Variants in GRM8 observed in about 807,000 individuals in gnomAD.
The protein encoded by GRM8 is glutamate metabotropic receptor 8.
Under a neutral mutation model 87.2 loss-of-function variants are expected in GRM8, and 47 were observed. That is an observed-to-expected ratio of 0.54 (90% CI 0.43 to 0.69). The LOEUF is 0.69. Ranked by LOEUF, GRM8 falls within the 30% of genes least tolerant of loss-of-function variation. The pLI, the probability that GRM8 is intolerant of heterozygous loss-of-function variation, is 0.00. For synonymous variants in GRM8, 396 were observed against 404.5 expected (o/e 0.98, Z 0.25); for missense variants, 1,019 against 1,139.2 (o/e 0.89, Z 1.52).
intron 2 of GRM8, among the ~76,000 whole-genome samples, chr7:127,156,347 T>A (rs1263699233): frequency 6.6e-6 from 1 of 152,158 alleles, no homozygotes; most frequent in African/African-American, 2.4e-5. Flanking sequence ...AAGATTAGCC[T>A]ACCCCTAAAC....
At chr7:126,592,150 CA>C (rs55956390) in intron 8 of GRM8, among the ~76,000 whole-genome samples, 136,865 of 145,626 alleles carry the variant, frequency 0.94, 64,324 homozygotes, top group East Asian at 1. Flanking sequence ...AGTCTCCCAT[CA>C]AAAAAAAAAA....
chr7:127,229,525 G>A (rs1797551713), intron 2 of GRM8: 1 of 152,094 alleles, frequency 6.6e-6, no homozygotes, highest in African/African-American at 2.4e-5. Flanking sequence ...TCCTTTCTCA[G>A]GCAGAGGAAA....
intron 6 of GRM8, among the ~76,000 whole-genome samples, chr7:126,793,344 T>G (rs969860424): frequency 1.8e-4 from 28 of 152,204 alleles, no homozygotes; most frequent in African/African-American, 6.8e-4. Flanking sequence ...GGCACTGCGG[T>G]CAGAAGGTCC....
intron 1 of GRM8, among the ~76,000 whole-genome samples, chr7:127,248,995 C>T (rs1563608465): frequency 1.3e-5 from 2 of 152,214 alleles, no homozygotes; most frequent in Non-Finnish European, 2.9e-5. Flanking sequence ...AAGATAATCT[C>T]CTGTTGTGAA....
chr7:127,191,766 C>G (rs1406502657), intron 2 of GRM8, among the ~76,000 whole-genome samples: 1 of 152,124 alleles, frequency 6.6e-6, no homozygotes, highest in Non-Finnish European at 1.5e-5. Context: ...TCATAACTGA[C>G]TTTCTGCTTA....
chr7:127,091,692 C>T (rs558171952), intron 3 of GRM8, among the ~76,000 whole-genome samples: 1 of 134,190 alleles, frequency 7.5e-6, no homozygotes, highest in South Asian at 2.8e-4. Context: ...TCCCACTGAT[C>T]CTCTGATGAC....
chr7:126,804,517 TC>T (rs1792453926), intron 6 of GRM8, among the ~76,000 whole-genome samples: 1 of 152,184 alleles, frequency 6.6e-6, no homozygotes, highest in African/African-American at 2.4e-5. Flanking sequence ...GCTTGAGAGC[TC>T]CCTCCTCTCC....
At chr7:126,724,625 T>C (rs1274243685) in intron 7 of GRM8, among the ~76,000 whole-genome samples, 3 of 152,188 alleles carry the variant, frequency 2.0e-5, no homozygotes, top group East Asian at 1.9e-4. Flanking sequence ...GAATGCTTCA[T>C]AGTGATCCAT....
chr7:127,190,068 CAGCTGGCAGTT>C, intron 2 of GRM8, among the ~76,000 whole-genome samples: 1 of 152,334 alleles, frequency 6.6e-6, no homozygotes, highest in Admixed American at 6.5e-5. Flanking sequence ...CGTCTGCAGT[CAGCTGGCAGTT>C]AGCTGATATC....
In GRM8 at chr7:126,446,915, G is replaced by C. The variant is rs1775246772; in HGVS notation, c.2431-543C>G. Reference sequence around the variant, plus strand: ...CCAAAAATCACAAGCATGTCATAAGGGCTTGATTTTTTTTAACAGTCCCTC... The same window carrying C: ...CCAAAAATCACAAGCATGTCATAAGCGCTTGATTTTTTTTAACAGTCCCTC... On this transcript the variant is annotated intron_variant, in intron 9 of 10. Transcript: ENST00000339582. Among the ~76,000 whole-genome samples the C allele has an allele frequency of 1.3e-5, 2 of 151,744 alleles. 1 individual carries two copies. Among genetic ancestry groups the C allele is most frequent in the Admixed American group, 1.3e-4 (2 of 15,208 alleles).
At chr7:127,190,846 G>A (rs1326221913) in intron 2 of GRM8, among the ~76,000 whole-genome samples, 1 of 151,814 alleles carries the variant, frequency 6.6e-6, no homozygotes, top group Non-Finnish European at 1.5e-5. Context: ...TTAAATATTA[G>A]CTTGAGGTAA....
At chr7:126,471,084 A>G (rs1154331) in intron 9 of GRM8, among the ~76,000 whole-genome samples, 142,012 of 143,518 alleles carry the variant, frequency 0.99, 70,253 homozygotes, top group Middle Eastern at 1. Context: ...TAGATTCTGG[A>G]TATTAGCCCT....
At chr7:127,129,598 A>G (rs530999504) in intron 2 of GRM8, among the ~76,000 whole-genome samples, 236 of 152,286 alleles carry the variant, frequency 1.5e-3, no homozygotes, top group Non-Finnish European at 2.9e-3. Flanking sequence ...GCCCTTCTCA[A>G]TAAGTGTAAA....
At chr7:126,522,525 G>T (rs566721735) in intron 9 of GRM8, among the ~76,000 whole-genome samples, 2 of 151,844 alleles carry the variant, frequency 1.3e-5, no homozygotes, top group African/African-American at 2.4e-5. Context: ...ATAATTTTTC[G>T]CCCACACTGG....
intron 2 of GRM8, among the ~76,000 whole-genome samples, chr7:127,236,136 A>AT (rs957058663): frequency 1.8e-4 from 28 of 151,928 alleles, no homozygotes; most frequent in African/African-American, 6.5e-4. Flanking sequence ...ATCATCTCAC[A>AT]TTTTTTTTGG....
At chr7:126,929,777 T>C (rs1000454007) in intron 3 of GRM8, among the ~76,000 whole-genome samples, 1 of 15,252 alleles carries the variant, frequency 6.6e-5, no homozygotes, top group African/African-American at 5.2e-4. Flanking sequence ...GTGTCTATCC[T>C]TTTTGAATTC....
intron 8 of GRM8, among the ~76,000 whole-genome samples, chr7:126,608,495 G>T (rs932194339): frequency 6.6e-6 from 1 of 152,162 alleles, no homozygotes; most frequent in African/African-American, 2.4e-5. Flanking sequence ...CTTGCTTCCG[G>T]CTGGGCTCTT....
intron 8 of GRM8, among the ~76,000 whole-genome samples, chr7:126,568,608 C>T (rs189863790): frequency 6.6e-6 from 1 of 152,086 alleles, no homozygotes; most frequent in East Asian, 1.9e-4. Flanking sequence ...AATGATTATT[C>T]CTAAATTTAT....
At chr7:126,658,389 A>G (rs1239337502) in intron 7 of GRM8, among the ~76,000 whole-genome samples, 1 of 152,206 alleles carries the variant, frequency 6.6e-6, no homozygotes, top group Non-Finnish European at 1.5e-5. Flanking sequence ...AATGATTTAC[A>G]AAGAACAGAA....
Sources: allele counts gnomAD v4.1 joint callset (sites outside exome capture counted in the v4.1 genomes callset), GRCh38; gene constraint gnomAD v4.1.1; transcripts MANE v1.5; gene names NCBI Gene and HGNC (gene_info 2026-07-23, HGNC 2026-07-21).